Variants in ENOSF1 observed in about 807,000 individuals in gnomAD.
ENOSF1 encodes enolase superfamily member 1.
Under a neutral mutation model 68.2 loss-of-function variants are expected in ENOSF1, and 73 were observed. The observed-to-expected ratio is 1.07, with a 90% CI of 0.89 to 1.30. ENOSF1 has a LOEUF of 1.30. Ranked by LOEUF, ENOSF1 falls within the 50% of genes most tolerant of loss-of-function variation. The pLI is 0.00. For missense variants in ENOSF1, 589 were observed against 554.5 expected (o/e 1.06, Z -0.62); for synonymous variants, 223 against 210.4 (o/e 1.06, Z -0.52).
Position 671,366 on chromosome 18 carries a change from C to T in ENOSF1, c.*2939G>A, listed in dbSNP as rs374204756. ...AACTAACATACTGTTCTGCTTTCTC[C>T]CCCGGGTTTATAGCCAGGTGACTTT... is the stretch of plus-strand genomic sequence containing the variant. On this transcript the variant is annotated 3_prime_UTR_variant, in exon 16 of 16. Coordinates refer to ENST00000647584, the MANE Select transcript of ENOSF1 (RefSeq NM_017512.7). 1.2e-5 allele frequency: 19 copies of T among 1,578,888 alleles called. No individual in the cohort carries two copies. In the African/African-American group the frequency reaches 2.3e-4, roughly 19 times the overall value.
At chr18:693,276 A>C (rs957513362) in intron 5 of ENOSF1, 1 of 1,280,272 alleles carries the variant, frequency 7.8e-7, no homozygotes. Context: ...TAGAGGCTAC[A>C]ATGGCCTGAT....
At position 694,351 on chromosome 18, in the gene ENOSF1, G is replaced by A. The variant is rs761433464; in HGVS notation, c.310-17C>T. 1.2e-6 allele frequency: 2 copies of A among 1,613,066 alleles called. No individual in the cohort carries two copies. The highest frequency in any genetic ancestry group is 1.7e-6 in the Non-Finnish European group (2 of 1,179,240). ...TGGACCAATCTGGTTAGGAAGCAAA[G>A]TACAAAAGCACTTTTTAGAAATGAA... On this transcript the variant is annotated splice_polypyrimidine_tract_variant and intron_variant, in intron 3 of 15. Transcript: ENST00000647584.
chr18:697,465 T>C (rs2077862434), intron 2 of ENOSF1, 110 bp from the exon 3 acceptor site: 2 of 910,538 alleles, frequency 2.2e-6, no homozygotes, highest in Admixed American at 2.2e-5. Context: ...AAAAATTAAA[T>C]CTAGGCCAGG....
intron 1 of ENOSF1, among the ~76,000 whole-genome samples, chr18:709,297 G>A (rs534346089): frequency 3.3e-5 from 5 of 152,254 alleles, no homozygotes; most frequent in Admixed American, 1.3e-4. Context: ...GCCTCAGAGA[G>A]GGAAGAAGGG....
intron 2 of ENOSF1, among the ~76,000 whole-genome samples, chr18:704,321 C>A (rs1429521891): frequency 6.7e-6 from 1 of 150,300 alleles, no homozygotes; most frequent in Admixed American, 6.7e-5. Flanking sequence ...CCCAGCTACT[C>A]GGGAGGCTGA....
chr18:667,609 A>T, downstream of ENOSF1: 1 of 105,232 alleles, frequency 9.5e-6, no homozygotes. Context: ...GGTGATGGTG[A>T]TGGAGATGGG....
rs571147075 is a variant in ENOSF1 at position 702,439 on chromosome 18, G to A, written c.193+4031C>T. ...AAAATACAAAAATTAGCTGGGCATG[G>A]TGGCACACATCTGTAGTCCCAGCTA... On this transcript the variant is annotated intron_variant, in intron 2 of 15. Coordinates refer to ENST00000647584, the MANE Select transcript of ENOSF1 (RefSeq NM_017512.7). Among the ~76,000 whole-genome samples the A allele has an allele frequency of 3.9e-3, 595 of 152,026 alleles. 5 individuals are homozygous for A. The highest frequency in any genetic ancestry group is 0.014 in the African/African-American group (568 of 41,448).
intron 2 of ENOSF1, among the ~76,000 whole-genome samples, chr18:697,569 G>C (rs1348844518): frequency 6.6e-6 from 1 of 152,124 alleles, no homozygotes; most frequent in African/African-American, 2.4e-5. Context: ...TGGCCAAAAT[G>C]GCAAAACCCT....
intron 2 of ENOSF1, among the ~76,000 whole-genome samples, chr18:705,807 G>A (rs1321726965): frequency 6.6e-6 from 1 of 152,012 alleles, no homozygotes; most frequent in African/African-American, 2.4e-5. Context: ...TCAGGAGTTC[G>A]AGACCAGCCT....
chr18:690,731 T>TTCCCCTGGAGAGTCCAGCTGTG, intron 7 of ENOSF1, 100 bp from the exon 8 acceptor site: 2 of 1,549,204 alleles, frequency 1.3e-6, no homozygotes, highest in Admixed American at 1.9e-5. Flanking sequence ...GTCCAGCTGT[T>TTCCCCTGGAGAGTCCAGCTGTG]CTCCTGATCC....
chr18:692,741 T>C, intron 5 of ENOSF1: 1 of 993,382 alleles, frequency 1.0e-6, no homozygotes, highest in South Asian at 4.5e-5. Context: ...TTTTGGTGGC[T>C]ACCTCCTCCA....
chr18:687,682 A>G, intron 9 of ENOSF1: 1 of 152,270 alleles, frequency 6.6e-6, no homozygotes, highest in East Asian at 1.9e-4. Context: ...TCATCCAGAG[A>G]AGGTCTTAGG....
chr18:691,508 G>A, intron 5 of ENOSF1: 1 of 455,106 alleles, frequency 2.2e-6, no homozygotes, highest in African/African-American at 2.0e-5. Context: ...ACTATGCCCG[G>A]CTAATTTATT....
chr18:697,272 T>C lies in ENOSF1; in HGVS notation c.277A>G (p.Arg93Gly). 6.2e-7 allele frequency: 1 copy of C among 1,614,064 alleles called. No homozygotes were observed. The highest frequency in any genetic ancestry group is 1.1e-5 in the South Asian group (1 of 91,072). Reference sequence around the variant, plus strand: ...AGCTGCCCATCACTTGTGAGCTGCCTATAGAAGCCTCTGAAGTCACCAACA... The same window carrying C: ...AGCTGCCCATCACTTGTGAGCTGCCCATAGAAGCCTCTGAAGTCACCAACA... ...DIVGDFRGFY[R>G]QLTSDGQLRW... The change falls in exon 3 of 16, where the codon AGG (arginine) becomes GGG (glycine). Residue 93 changes from arginine (R) to glycine (G), a missense_variant. Transcript: ENST00000647584.
rs767162167 is a variant in ENOSF1 at position 690,625 on chromosome 18, T to C, written c.542A>G (p.Gln181Arg). 1 of 1,613,134 alleles carries C rather than the reference T, an allele frequency of 6.2e-7. No homozygotes were observed. The change falls in exon 8 of 16, where the codon CAA (glutamine) becomes CGA (arginine). Residue 181 changes from glutamine to arginine, a missense_variant. By Grantham distance (43) the Gln-to-Arg change is conservative. Transcript: ENST00000647584. Reference protein sequence around the residue: ...GQIGKKEREKQMLAQGYPAYT... With the variant: ...GQIGKKEREKRMLAQGYPAYT... ...AGCAGGGTATCCTTGTGCCAGCATT[T>C]GCTTCTCTGTGAAAACACAGCGCCG...
At chr18:698,751 G>C (rs771981364) in intron 2 of ENOSF1, among the ~76,000 whole-genome samples, 1 of 152,092 alleles carries the variant, frequency 6.6e-6, no homozygotes, top group Non-Finnish European at 1.5e-5. Flanking sequence ...CTCCTGAGTA[G>C]CTGAGACCAC....
chr18:670,618 CCT>C lies in ENOSF1; in HGVS notation c.*3685_*3686del, dbSNP rs563916756. 2.9e-4 allele frequency: 441 copies of C among 1,533,526 alleles called. 1 individual carries two copies. In the African/African-American group the frequency reaches 5.5e-3, roughly 19 times the overall value. The allele number at this position is 1,533,526 out of a possible 1,614,324, so 95.0% of individuals were successfully genotyped here. A position where few individuals can be genotyped will look rare whatever the true frequency, so the allele number is the denominator to read the frequency against. On this transcript the variant is annotated 3_prime_UTR_variant, in exon 16 of 16. Coordinates refer to ENST00000647584, the MANE Select transcript of ENOSF1 (RefSeq NM_017512.7). ...CATATGAGTTGGCTTCTGTTTCTCT[CCT>C]GTTTTACTTTGCCTTTAGCTGTGGT... is the stretch of plus-strand genomic sequence containing the variant.
At chr18:707,452 G>T (rs1197167947) in intron 1 of ENOSF1, 1 of 152,198 alleles carries the variant, frequency 6.6e-6, no homozygotes, top group African/African-American at 2.4e-5. Context: ...GCATAAAATT[G>T]GAGTGATCTC....
intron 5 of ENOSF1, chr18:693,075 G>A: frequency 7.8e-7 from 1 of 1,287,214 alleles, no homozygotes; most frequent in Admixed American, 2.3e-5. Context: ...CAGCTGGTGA[G>A]CAGTGAAACC....
Sources: gnomAD v4.1 joint callset for allele counts (sites outside exome capture counted in the v4.1 genomes callset) on GRCh38, gnomAD v4.1.1 for gene constraint, MANE v1.5 for transcripts, NCBI Gene and HGNC (gene_info 2026-07-23, HGNC 2026-07-21) for gene names.